Variants in FRYL observed in about 807,000 individuals in gnomAD.
The protein encoded by FRYL is protein furry homolog-like.
Under a neutral mutation model 351.2 loss-of-function variants are expected in FRYL, and 150 were observed. That is an observed-to-expected ratio of 0.43 (90% CI 0.37 to 0.49). FRYL has a LOEUF of 0.49. FRYL is among the 20% of genes least tolerant of loss of function. The pLI is 0.00. For synonymous variants in FRYL, 1,153 were observed against 1,257.1 expected, an observed-to-expected ratio of 0.92 and a Z score of 1.75; for missense variants, 3,036 against 3,619.3, an observed-to-expected ratio of 0.84 and a Z score of 4.13.
At chr4:48,557,739 A>C (rs761313937) in intron 33 of FRYL, 27 bp from the exon 34 acceptor site, 26 of 1,608,800 alleles carry the variant, frequency 1.6e-5, no homozygotes, top group Non-Finnish European at 2.0e-5. Context: ...GTCAAAGATA[A>C]CTGATGTAAT....
intron 57 of FRYL, 56 bp downstream of exon 57, chr4:48,512,425 C>A: frequency 7.4e-7 from 1 of 1,347,306 alleles, no homozygotes; most frequent in Non-Finnish European, 1.0e-6. Flanking sequence ...AGAAGAAAAA[C>A]TGTAACTTGA....
rs1224565645 is a variant in FRYL, at chr4:48,497,746, C to T, written c.*1676G>A. On this transcript the variant is annotated 3_prime_UTR_variant, in exon 64 of 64. Coordinates refer to ENST00000358350, the MANE Select transcript of FRYL (RefSeq NM_015030.2). The stretch of plus-strand genomic sequence containing the variant: ...ACCAATTACAGTACCAGAACACCAT[C>T]AAAATAATTGTCTTTATCAGGGTCA... 6.6e-6 allele frequency: 1 copy of T among 152,562 alleles called. No individual in the cohort carries two copies. Among genetic ancestry groups the T allele is most frequent in the African/African-American group, 2.4e-5 (1 of 41,428 alleles). 9.5% of individuals were successfully genotyped at this position (152,562 alleles called of 1,614,324 possible).
In FRYL at chr4:48,528,260, A is replaced by G. The variant is rs1163630397; in HGVS notation, c.6980T>C (p.Val2327Ala). Residue 2327 changes from valine (V) to alanine (A), a missense_variant, in exon 51 of 64, where the codon GTC becomes GCC. Physicochemically the swap from Val to Ala is moderately conservative, Grantham distance 64. Transcript: ENST00000358350. The stretch of plus-strand genomic sequence containing the variant: ...AGAAGTTGAGGAAGTACTTCTAGTG[A>G]CAGCAATAACTTTTGGTTTCCCATT... ...GRNGKPKVIA[V>A]TRSTSSTSSG... 1 of 1,613,240 alleles carries G rather than the reference A, an allele frequency of 6.2e-7. No individual in the cohort carries two copies. The highest frequency in any genetic ancestry group is 1.3e-5 in the African/African-American group (1 of 74,894).
intron 1 of FRYL, among the ~76,000 whole-genome samples, chr4:48,715,986 C>A (rs1768776863): frequency 6.6e-6 from 1 of 152,116 alleles, no homozygotes; most frequent in African/African-American, 2.4e-5. Context: ...CTACAACTAT[C>A]TGATCTTTGA....
chr4:48,657,489 T>G (rs1166445490), intron 3 of FRYL, among the ~76,000 whole-genome samples: 1 of 152,054 alleles, frequency 6.6e-6, no homozygotes, highest in Non-Finnish European at 1.5e-5. Flanking sequence ...TGCCAATTAT[T>G]CACAGAAACT....
chr4:48,723,931 A>T (rs1226209446), intron 1 of FRYL, among the ~76,000 whole-genome samples: 6 of 130,380 alleles, frequency 4.6e-5, no homozygotes, highest in Admixed American at 3.0e-4. Flanking sequence ...ACAAAAAAAA[A>T]AATAAATAAA....
At chr4:48,510,777 TACTG>T (rs1722307712) in intron 58 of FRYL, 54 bp downstream of exon 58, 5 of 1,302,108 alleles carry the variant, frequency 3.8e-6, no homozygotes, top group Non-Finnish European at 5.5e-6. Context: ...AAAAAAGACT[TACTG>T]AATGATGCCA....
chr4:48,547,752 G>A lies in FRYL; in HGVS notation c.4906C>T (p.Pro1636Ser), dbSNP rs1451645573. 4 of 1,518,392 alleles carry A rather than the reference G, an allele frequency of 2.6e-6. No homozygotes were observed. The African/African-American group carries it at 4.1e-5, about 16-fold the overall frequency. 94.1% of individuals were successfully genotyped at this position (1,518,392 alleles called of 1,614,324 possible). Residue 1636 changes from proline to serine, a missense_variant, in exon 41 of 64, where the codon CCT (proline) becomes TCT (serine). Pro to Ser is a moderately conservative substitution (Grantham distance 74). Around this residue, in one of 7 missense-constraint regions of FRYL, gnomAD observed 1,987 missense variants for 2,311.7 expected, o/e 0.86. Transcript: ENST00000358350. ...AIFIGFDHCHPEVYEHCKRLL... is the reference protein window; with the variant it reads ...AIFIGFDHCHSEVYEHCKRLL... The stretch of plus-strand genomic sequence containing the variant: ...CGTTTACAATGTTCATACACCTCAG[G>A]GTGGCAGTGGTCAAACCCTAAAAAG...
chr4:48,500,493 G>A (rs1293586039), intron 62 of FRYL, among the ~76,000 whole-genome samples: 1 of 152,062 alleles, frequency 6.6e-6, no homozygotes, highest in Non-Finnish European at 1.5e-5. Flanking sequence ...ACTACATTTT[G>A]GATAGTAAAA....
intron 53 of FRYL, among the ~76,000 whole-genome samples, chr4:48,524,369 A>G (rs1465976481): frequency 6.6e-6 from 1 of 152,134 alleles, no homozygotes; most frequent in Non-Finnish European, 1.5e-5. Context: ...TGCATGTCAG[A>G]GTTTGAAAAC....
At chr4:48,622,574 T>C (rs1750887180) in intron 5 of FRYL, among the ~76,000 whole-genome samples, 1 of 152,182 alleles carries the variant, frequency 6.6e-6, no homozygotes, top group Admixed American at 6.6e-5. Flanking sequence ...ACTCTATTTC[T>C]GAGATATATA....
rs535360335 is a variant in FRYL at position 48,763,455 on chromosome 4, T to C, written c.-384+16623A>G. On this transcript the variant is annotated intron_variant, in intron 1 of 63. Coordinates refer to ENST00000358350, the MANE Select transcript of FRYL (RefSeq NM_015030.2). The stretch of plus-strand genomic sequence containing the variant: ...CCAACCTGGATGACAGAGTGTGACC[T>C]TGTCTCTTAAAAAAAAACTTGGAAA... 2.6e-5 allele frequency among the ~76,000 whole-genome samples: 4 copies of C among 152,194 alleles called. No homozygotes were observed. The South Asian group carries it at 8.3e-4, about 32-fold the overall frequency.
intron 3 of FRYL, among the ~76,000 whole-genome samples, chr4:48,646,990 A>T (rs1756634631): frequency 6.6e-6 from 1 of 152,194 alleles, no homozygotes; most frequent in South Asian, 2.1e-4. Context: ...GGGTTTAATC[A>T]ACAAAAAGGT....
At chr4:48,706,306 G>C (rs1263461479) in intron 2 of FRYL, among the ~76,000 whole-genome samples, 2 of 152,180 alleles carry the variant, frequency 1.3e-5, no homozygotes, top group Non-Finnish European at 2.9e-5. Flanking sequence ...ATATTATTCA[G>C]CCTTAAAAAA....
chr4:48,600,605 G>GTA (rs1284705755), intron 13 of FRYL, among the ~76,000 whole-genome samples: 3 of 152,150 alleles, frequency 2.0e-5, no homozygotes, highest in East Asian at 1.9e-4. Flanking sequence ...TAGGTGAAAC[G>GTA]TATATATATA....
chr4:48,576,159 C>G lies in FRYL; in HGVS notation c.2592G>C (p.Trp864Cys). ...TTSSDSYIGL[W>C]RNYLILCCSA... ...TGCAGCAAAGGATCAGATAGTTTCT[C>G]CACAGGCCAATGTATGAGTCACTGC... Residue 864 changes from tryptophan to cysteine, a missense_variant, in exon 24 of 64, where the codon TGG becomes TGC. Trp to Cys is a radical substitution (Grantham distance 215, BLOSUM62 -2). Transcript: ENST00000358350. The G allele has an allele frequency of 6.2e-7, 1 of 1,613,752 alleles. No homozygotes were observed. The highest frequency in any genetic ancestry group is 8.5e-7 in the Non-Finnish European group (1 of 1,179,894).
intron 3 of FRYL, among the ~76,000 whole-genome samples, chr4:48,671,876 A>AAAC (rs1560832602): frequency 1.8e-4 from 27 of 146,352 alleles, no homozygotes; most frequent in Non-Finnish European, 4.1e-4. Context: ...AAAAAAACAA[A>AAAC]AAAAAAAAAA....
intron 36 of FRYL, among the ~76,000 whole-genome samples, chr4:48,552,367 C>T (rs1009461064): frequency 1.4e-4 from 22 of 151,814 alleles, no homozygotes; most frequent in Admixed American, 7.2e-4. Context: ...GACCTACAGA[C>T]GTTGGCATCA....
chr4:48,652,713 T>A (rs775994120), intron 3 of FRYL, among the ~76,000 whole-genome samples: 27 of 152,242 alleles, frequency 1.8e-4, no homozygotes, highest in Non-Finnish European at 2.5e-4. Flanking sequence ...ATTTTCACTT[T>A]CATATTATTT....
Sources: gnomAD v4.1 joint callset for allele counts (sites outside exome capture counted in the v4.1 genomes callset) on GRCh38, gnomAD v4.1.1 for gene constraint, gnomAD v4.1.1 regional missense constraint, MANE v1.5 for transcripts, NCBI Gene and HGNC (gene_info 2026-07-23, HGNC 2026-07-21) for gene names.